The following RRAGB variants were observed in gnomAD, a reference collection of about 807,000 sequenced individuals.
RRAGB encodes the protein Ras related GTP binding B, also known as ras-related GTP-binding protein B.
RRAGB carries 6 observed loss-of-function variants against 29.3 expected under a neutral mutation model. That is an observed-to-expected ratio of 0.21 (90% CI 0.11 to 0.40). The LOEUF (loss-of-function observed/expected upper bound fraction) is 0.40. Ranked by LOEUF, RRAGB falls within the 10% of genes least tolerant of loss-of-function variation. RRAGB has a pLI of 1.00. For missense variants in RRAGB, 184 were observed against 272.9 expected (o/e 0.67, Z 2.29); for synonymous variants, 101 against 92.5 (o/e 1.09, Z -0.53).
At chrX:55,726,757 A>G (rs980388979) in intron 3 of RRAGB, among the ~76,000 whole-genome samples, 1 of 111,593 alleles carries the variant, frequency 9.0e-6, no homozygotes, top group Non-Finnish European at 1.9e-5. Context: ...GTAGGAAGAA[A>G]GGGGGAGATG....
intron 5 of RRAGB, among the ~76,000 whole-genome samples, chrX:55,749,473 G>C (rs1323769261): frequency 1.8e-5 from 2 of 109,376 alleles, no homozygotes; most frequent in African/African-American, 6.7e-5. Flanking sequence ...GCCTCTGTCC[G>C]GCCGCCCCTA....
chrX:55,723,713 C>T (rs1380362526), intron 3 of RRAGB, among the ~76,000 whole-genome samples: 2 of 110,424 alleles, frequency 1.8e-5, no homozygotes, highest in African/African-American at 3.3e-5. Flanking sequence ...TGTACCACCA[C>T]ATCCAGCTAA....
chrX:55,722,761 A>G (rs1418348765), intron 3 of RRAGB, among the ~76,000 whole-genome samples: 1 of 112,179 alleles, frequency 8.9e-6, no homozygotes, highest in Non-Finnish European at 1.9e-5. Context: ...TCCTGGATAC[A>G]CATAGATGAT....
intron 3 of RRAGB, among the ~76,000 whole-genome samples, chrX:55,726,623 C>T (rs751387857): frequency 9.0e-6 from 1 of 110,643 alleles, no homozygotes; most frequent in African/African-American, 3.3e-5. Context: ...TAGAGTCAGC[C>T]GGACTTTCTG....
Position 55,718,405 on chromosome X carries a change from G to A in RRAGB, c.78G>A (p.Pro26=), listed in dbSNP as rs762761300. 5.9e-6 allele frequency: 7 copies of A among 1,193,723 alleles called. No individual in the cohort carries two copies. The highest frequency in any genetic ancestry group is 5.9e-5 in the East Asian group (2 of 33,638). ...GPRMDPPLGE[P]EGSLGWVLPN... is the part of the protein sequence containing the mutation. Reference sequence around the variant, plus strand: ...GAATGGATCCACCACTAGGGGAACCGGAAGGATCGCTTGGGTGGGTGAAGG... The same window carrying A: ...GAATGGATCCACCACTAGGGGAACCAGAAGGATCGCTTGGGTGGGTGAAGG... The change falls in exon 1 of 10, where the codon CCG becomes CCA. Residue 26 remains proline, a synonymous_variant. Coordinates refer to ENST00000374941, the MANE Select transcript of RRAGB (RefSeq NM_006064.5).
chrX:55,740,186 A>C (rs1221277040), intron 5 of RRAGB, among the ~76,000 whole-genome samples: 1 of 111,026 alleles, frequency 9.0e-6, no homozygotes, highest in African/African-American at 3.3e-5. Context: ...AGCTGGGCGC[A>C]GTGGCGGGCG....
rs957915861 is a variant in RRAGB, at chrX:55,758,413, C to G, written c.*70C>G. On this transcript the variant is annotated 3_prime_UTR_variant, in exon 10 of 10. Transcript: ENST00000374941. ...TTAATGTTGTATTCATATATGTAGGCTCTGAAATGTTGTGATGCTTATTGC... is the reference window on the plus strand; with the variant it reads ...TTAATGTTGTATTCATATATGTAGGGTCTGAAATGTTGTGATGCTTATTGC... 6 of 688,591 alleles carry G rather than the reference C, an allele frequency of 8.7e-6. No individual in the cohort carries two copies. Among genetic ancestry groups the G allele is most frequent in the African/African-American group, 6.5e-5 (3 of 46,205 alleles). The allele number at this position is 688,591 out of a possible 1,213,427, so 56.7% of individuals were successfully genotyped here. A position where few individuals can be genotyped will look rare whatever the true frequency, so the allele number is the denominator to read the frequency against.
intron 3 of RRAGB, among the ~76,000 whole-genome samples, chrX:55,724,401 A>G (rs956117646): frequency 8.9e-6 from 1 of 112,093 alleles, no homozygotes; most frequent in Non-Finnish European, 1.9e-5. Context: ...CTTATCTGAT[A>G]TATTAGTTAT....
chrX:55,737,198 G>A (rs2033892767), intron 5 of RRAGB, among the ~76,000 whole-genome samples: 3 of 112,304 alleles, frequency 2.7e-5, no homozygotes, highest in Admixed American at 9.3e-5. Context: ...AGGCCAGCAG[G>A]AAAGCCATCT....
At chrX:55,736,794 G>T (rs1163881869) in intron 5 of RRAGB, among the ~76,000 whole-genome samples, 3 of 112,348 alleles carry the variant, frequency 2.7e-5, no homozygotes. Flanking sequence ...TTTCTTAGCT[G>T]CTGGTTGTAG....
At chrX:55,745,153 G>T (rs951583821) in intron 5 of RRAGB, among the ~76,000 whole-genome samples, 1 of 112,240 alleles carries the variant, frequency 8.9e-6, no homozygotes, top group Admixed American at 9.4e-5. Flanking sequence ...TGTAGTTGTT[G>T]CTTCTCGCTC....
chrX:55,727,178 CTATGA>C (rs1327115073), intron 3 of RRAGB: 32 of 552,363 alleles, frequency 5.8e-5, no homozygotes, highest in Non-Finnish European at 8.1e-5. Context: ...AGAATAATTT[CTATGA>C]TATGGGAGTA....
chrX:55,755,060 C>A (rs1385878638), intron 7 of RRAGB: 2 of 749,505 alleles, frequency 2.7e-6, no homozygotes, highest in East Asian at 1.5e-4. Flanking sequence ...GTTTTTGTTT[C>A]TCTTGAGACC....
intron 5 of RRAGB, among the ~76,000 whole-genome samples, chrX:55,743,909 A>G (rs1367099089): frequency 8.9e-6 from 1 of 112,022 alleles, no homozygotes; most frequent in Non-Finnish European, 1.9e-5. Flanking sequence ...GGGCTGTCCC[A>G]TAACTTTCTT....
intron 5 of RRAGB, among the ~76,000 whole-genome samples, chrX:55,749,550 G>A (rs1281849871): frequency 9.0e-6 from 1 of 111,672 alleles, no homozygotes; most frequent in East Asian, 2.9e-4. Context: ...ACAGCTCATT[G>A]AGAACGGGCC....
chrX:55,718,334 G>A lies in RRAGB; in HGVS notation c.7G>A (p.Glu3Lys), dbSNP rs369357317. The A allele has an allele frequency of 1.7e-6, 2 of 1,201,518 alleles. No homozygotes were observed. The highest frequency in any genetic ancestry group is 3.5e-5 in the African/African-American group (2 of 57,188). The part of the protein sequence containing the change: ME[E>K]SDSEKTTEKE... ...GGAAAGGACTTGTTGCGCAATGGAA[G>A]AATCTGACTCTGAGAAAACGACGGA... The change falls in exon 1 of 10, where the codon GAA becomes AAA. Residue 3 changes from glutamate to lysine, a missense_variant. Transcript: ENST00000374941.
At chrX:55,740,322 C>CAAAAAAAAAAAAAAAA (rs542846613) in intron 5 of RRAGB, among the ~76,000 whole-genome samples, 1 of 92,457 alleles carries the variant, frequency 1.1e-5, no homozygotes, top group African/African-American at 4.0e-5. Context: ...GACTCCATCT[C>CAAAAAAAAAAAAAAAA]AAAAAAAAAA....
intron 7 of RRAGB, 47 bp downstream of exon 7, chrX:55,753,561 T>C: frequency 9.0e-7 from 1 of 1,116,388 alleles, no homozygotes; most frequent in Non-Finnish European, 1.2e-6. Context: ...GTACGTTCTT[T>C]GTTTTCAGCA....
intron 5 of RRAGB, among the ~76,000 whole-genome samples, chrX:55,744,273 G>A (rs1273328840): frequency 9.4e-6 from 1 of 106,131 alleles, no homozygotes; most frequent in Non-Finnish European, 1.9e-5. Flanking sequence ...CCATGCGCCT[G>A]TAGTCCGAGC....
Sources: gnomAD v4.1 joint callset for allele counts (sites outside exome capture counted in the v4.1 genomes callset) on GRCh38, gnomAD v4.1.1 for gene constraint, MANE v1.5 for transcripts, NCBI Gene and HGNC (gene_info 2026-07-23, HGNC 2026-07-21) for gene names.